The following SHISA9 variants were observed in gnomAD, a reference collection of about 807,000 sequenced individuals.
SHISA9 encodes protein shisa-9.
Under a neutral mutation model 38.0 loss-of-function variants are expected in SHISA9, and 13 were observed. That is an observed-to-expected ratio of 0.34 (90% CI 0.22 to 0.54). The LOEUF (loss-of-function observed/expected upper bound fraction) is 0.54, where lower values mean the gene tolerates loss of function less well. SHISA9 is among the 20% of genes least tolerant of loss of function. The pLI is 0.91. For synonymous variants in SHISA9, 275 were observed against 242.0 expected, an observed-to-expected ratio of 1.14 and a Z score of -1.27; for missense variants, 538 against 575.8, an observed-to-expected ratio of 0.93 and a Z score of 0.67.
intron 2 of SHISA9, among the ~76,000 whole-genome samples, chr16:13,118,874 C>T (rs898009933): frequency 2.0e-5 from 3 of 151,920 alleles, no homozygotes; most frequent in Non-Finnish European, 4.4e-5. Context: ...GGATTACAGG[C>T]GCCCTCCACC....
chr16:13,456,074 A>C, the SHISA9 span, among the ~76,000 whole-genome samples: 1 of 152,216 alleles, frequency 6.6e-6, no homozygotes, highest in East Asian at 1.9e-4. Context: ...TAGGAGAGAC[A>C]TACACTAAAC....
At chr16:13,012,535 A>G (rs2072691473) in intron 2 of SHISA9, among the ~76,000 whole-genome samples, 1 of 152,174 alleles carries the variant, frequency 6.6e-6, no homozygotes, top group African/African-American at 2.4e-5. Context: ...ACAAGGATGC[A>G]CACGCTTTTC....
intron 2 of SHISA9, among the ~76,000 whole-genome samples, chr16:13,143,009 A>ATTTTG (rs568202485): frequency 6.6e-6 from 1 of 150,632 alleles, no homozygotes; most frequent in Non-Finnish European, 1.5e-5. Flanking sequence ...ATTTTATTTT[A>ATTTTG]TTTTATTTTA....
the SHISA9 span, among the ~76,000 whole-genome samples, chr16:13,417,148 C>T: frequency 3.6e-4 from 55 of 152,200 alleles, no homozygotes; most frequent in Middle Eastern, 3.4e-3. Flanking sequence ...CTGGAGAAGA[C>T]GTGGATTGAT....
At chr16:13,394,951 GTGTGTGT>G in the SHISA9 span, among the ~76,000 whole-genome samples, 2,700 of 151,698 alleles carry the variant, frequency 0.018, 70 homozygotes, top group African/African-American at 0.063. Flanking sequence ...GTGTGTGTGT[GTGTGTGT>G]GTGTGTGTGT....
At chr16:13,527,695 C>T in the SHISA9 span, among the ~76,000 whole-genome samples, 1 of 152,092 alleles carries the variant, frequency 6.6e-6, no homozygotes, top group Non-Finnish European at 1.5e-5. Context: ...CCTGTTTGCC[C>T]CGACACTCAG....
At chr16:12,996,711 G>C (rs957001437) in intron 2 of SHISA9, among the ~76,000 whole-genome samples, 2 of 152,072 alleles carry the variant, frequency 1.3e-5, no homozygotes, top group Non-Finnish European at 2.9e-5. Flanking sequence ...AGAGTTGAAG[G>C]GGAGATCTTG....
the SHISA9 span, among the ~76,000 whole-genome samples, chr16:13,412,512 C>A: frequency 6.6e-6 from 1 of 152,040 alleles, no homozygotes; most frequent in African/African-American, 2.4e-5. Flanking sequence ...AACCACTGTG[C>A]AAGACACATA....
intron 2 of SHISA9, among the ~76,000 whole-genome samples, chr16:13,028,293 C>G (rs920025262): frequency 6.6e-6 from 1 of 152,104 alleles, no homozygotes; most frequent in African/African-American, 2.4e-5. Flanking sequence ...CATTCTTAGG[C>G]AGGTTCTCCC....
intron 2 of SHISA9, among the ~76,000 whole-genome samples, chr16:13,113,354 T>A (rs571025814): frequency 1.3e-5 from 2 of 152,316 alleles, no homozygotes; most frequent in South Asian, 4.1e-4. Flanking sequence ...ATCTGCTGTC[T>A]CTTTGGTAAG....
chr16:13,345,795 G>T, the SHISA9 span, among the ~76,000 whole-genome samples: 2 of 152,140 alleles, frequency 1.3e-5, no homozygotes. Flanking sequence ...TAGCCATTCT[G>T]ACTGTTGTTA....
intron 2 of SHISA9, among the ~76,000 whole-genome samples, chr16:13,125,237 C>T (rs975795400): frequency 6.6e-6 from 1 of 151,850 alleles, no homozygotes; most frequent in African/African-American, 2.4e-5. Flanking sequence ...GATTAGTAAC[C>T]AGAATATATA....
At chr16:13,361,481 C>T in the SHISA9 span, among the ~76,000 whole-genome samples, 1 of 152,206 alleles carries the variant, frequency 6.6e-6, no homozygotes, top group Admixed American at 6.5e-5. Context: ...ATGAGCTTTA[C>T]AAGCTTCATC....
At chr16:13,264,478 A>C in the SHISA9 span, among the ~76,000 whole-genome samples, 1 of 152,020 alleles carries the variant, frequency 6.6e-6, no homozygotes, top group African/African-American at 2.4e-5. Flanking sequence ...GGCCTGTTTT[A>C]AATCTTGAGA....
intron 2 of SHISA9, among the ~76,000 whole-genome samples, chr16:13,086,576 G>A (rs1312885644): frequency 2.0e-5 from 3 of 152,086 alleles, no homozygotes; most frequent in Non-Finnish European, 4.4e-5. Context: ...AGTTGTATAG[G>A]TGAGAGATGA....
At chr16:13,045,969 G>T (rs1444006846) in intron 2 of SHISA9, among the ~76,000 whole-genome samples, 2 of 152,170 alleles carry the variant, frequency 1.3e-5, no homozygotes, top group Non-Finnish European at 2.9e-5. Flanking sequence ...GTTTAAATTT[G>T]TAACTCTCTC....
At chr16:13,409,383 A>G in the SHISA9 span, among the ~76,000 whole-genome samples, 2 of 152,224 alleles carry the variant, frequency 1.3e-5, no homozygotes, top group Non-Finnish European at 2.9e-5. Context: ...CCTTGCAGAA[A>G]GGTGGAGGGT....
At chr16:13,119,156 C>G (rs1044195543) in intron 2 of SHISA9, among the ~76,000 whole-genome samples, 1 of 152,120 alleles carries the variant, frequency 6.6e-6, no homozygotes, top group South Asian at 2.1e-4. Context: ...CGTGAGCCAC[C>G]GCGCCTGGCC....
chr16:13,270,057 T>A, the SHISA9 span, among the ~76,000 whole-genome samples: 1 of 152,126 alleles, frequency 6.6e-6, no homozygotes, highest in Non-Finnish European at 1.5e-5. Flanking sequence ...ACCAACCACA[T>A]TGGGAGGAAA....
Sources: gnomAD v4.1 joint callset for allele counts (sites outside exome capture counted in the v4.1 genomes callset) on GRCh38, gnomAD v4.1.1 for gene constraint, MANE v1.5 for transcripts, NCBI Gene and HGNC (gene_info 2026-07-23, HGNC 2026-07-21) for gene names.